The following MAP2K6 variants were observed in gnomAD, a reference collection of about 807,000 sequenced individuals.
MAP2K6 encodes dual specificity mitogen-activated protein kinase kinase 6.
In MAP2K6, 16 loss-of-function variants were observed where a neutral mutation model predicts 53.7. The ratio of observed to expected loss-of-function variants is 0.30; its 90% confidence interval spans 0.20 to 0.45. The LOEUF (loss-of-function observed/expected upper bound fraction) is 0.45. Among genes scored for constraint, MAP2K6 ranks in the 20% least tolerant of loss-of-function variants. The pLI is 1.00. For missense variants in MAP2K6, 204 were observed against 411.9 expected, an observed-to-expected ratio of 0.50 and a Z score of 4.37; for synonymous variants, 132 against 143.1, an observed-to-expected ratio of 0.92 and a Z score of 0.55.
chr17:69,459,847 C>T (rs928233723), intron 1 of MAP2K6, among the ~76,000 whole-genome samples: 12 of 146,790 alleles, frequency 8.2e-5, no homozygotes, highest in African/African-American at 2.8e-4. Flanking sequence ...CTTTTTCTTC[C>T]TTCCTCCCTT....
intron 1 of MAP2K6, among the ~76,000 whole-genome samples, chr17:69,431,336 A>G (rs1438807264): frequency 6.6e-6 from 1 of 150,476 alleles, no homozygotes; most frequent in African/African-American, 2.5e-5. Flanking sequence ...TATATTGTAT[A>G]TTATGCATAT....
intron 8 of MAP2K6, among the ~76,000 whole-genome samples, chr17:69,523,908 G>A (rs1249409339): frequency 6.6e-6 from 1 of 152,186 alleles, no homozygotes; most frequent in Non-Finnish European, 1.5e-5. Flanking sequence ...CACAGTTTTG[G>A]AGGCTAGGAA....
chr17:69,533,451 G>A lies in MAP2K6; in HGVS notation c.882-2664G>A, dbSNP rs140150876. ...GCACATTTTTACATTTGAGAAACAA[G>A]CTTTTCTTCCTGACATTGCCTTGGT... On this transcript the variant is annotated intron_variant, in intron 10 of 11. Transcript: ENST00000590474. 1.5e-3 allele frequency among the ~76,000 whole-genome samples: 225 copies of A among 152,258 alleles called. 2 individuals carry two copies. Among genetic ancestry groups the A allele is most frequent in the African/African-American group, 5.2e-3 (217 of 41,548 alleles).
chr17:69,485,323 G>A (rs184620266), intron 1 of MAP2K6: 1 of 190,016 alleles, frequency 5.3e-6, no homozygotes, highest in Non-Finnish European at 9.7e-6. Context: ...CAGGTTTTAG[G>A]ATGAGCAACT....
At chr17:69,490,552 G>C (rs1476463457) in intron 1 of MAP2K6, among the ~76,000 whole-genome samples, 1 of 152,190 alleles carries the variant, frequency 6.6e-6, no homozygotes, top group Non-Finnish European at 1.5e-5. Flanking sequence ...GAGTGTGGCA[G>C]TGTGGGTGTG....
intron 1 of MAP2K6, among the ~76,000 whole-genome samples, chr17:69,440,980 G>A (rs532350433): frequency 1.1e-4 from 17 of 152,224 alleles, no homozygotes; most frequent in African/African-American, 3.9e-4. Flanking sequence ...ACATGCGTGA[G>A]TGTGTATATA....
At chr17:69,515,050 G>C (rs1481270029) in intron 2 of MAP2K6, among the ~76,000 whole-genome samples, 1 of 151,646 alleles carries the variant, frequency 6.6e-6, no homozygotes, top group South Asian at 2.1e-4. Context: ...GTCTTTACCT[G>C]TCTGCTCACC....
At chr17:69,528,104 C>T (rs1034626439) in intron 10 of MAP2K6, among the ~76,000 whole-genome samples, 2 of 23,828 alleles carry the variant, frequency 8.4e-5, no homozygotes, top group African/African-American at 3.2e-4. Context: ...AATAAAACTT[C>T]GTCTCAAAAA....
In MAP2K6 at chr17:69,547,812, C is replaced by T. The variant is rs1309843888; in HGVS notation, c.*6059C>T. On this transcript the variant is annotated 3_prime_UTR_variant, in exon 12 of 12. Coordinates refer to ENST00000590474, the MANE Select transcript of MAP2K6 (RefSeq NM_002758.4). ...ATTTGGAAATAAATGTCACAGTTCTCTTAGTTGTTAACTGTATCCTTGGCT... is the reference window on the plus strand; with the variant it reads ...ATTTGGAAATAAATGTCACAGTTCTTTTAGTTGTTAACTGTATCCTTGGCT... 2.0e-5 allele frequency: 3 copies of T among 152,202 alleles called. No individual in the cohort carries two copies. Among genetic ancestry groups the T allele is most frequent in the African/African-American group, 7.2e-5 (3 of 41,468 alleles). 9.4% of individuals were successfully genotyped at this position (152,202 alleles called of 1,614,324 possible).
Position 69,414,820 on chromosome 17 carries a change from C to T in MAP2K6, c.-165C>T, listed in dbSNP as rs960092048. 1 of 641,414 alleles carries T rather than the reference C, an allele frequency of 1.6e-6. No homozygotes were observed. The highest frequency in any genetic ancestry group is 2.8e-6 in the Non-Finnish European group (1 of 358,426). The allele number at this position is 641,414 out of a possible 1,614,324, so 39.7% of individuals were successfully genotyped here. ...AGTCTGTTTTGCAAGGTGTGCATTT[C>T]CATCTTGATTCCCTGAAAGTCCATC... On this transcript the variant is annotated 5_prime_UTR_variant, in exon 1 of 12. Coordinates refer to ENST00000590474, the MANE Select transcript of MAP2K6 (RefSeq NM_002758.4).
At chr17:69,430,099 G>A (rs1906408502) in intron 1 of MAP2K6, among the ~76,000 whole-genome samples, 1 of 152,122 alleles carries the variant, frequency 6.6e-6, no homozygotes, top group African/African-American at 2.4e-5. Flanking sequence ...GGCTGAGGTG[G>A]GTGAGTCACT....
At chr17:69,503,695 C>G (rs987205892) in intron 1 of MAP2K6, among the ~76,000 whole-genome samples, 8 of 152,048 alleles carry the variant, frequency 5.3e-5, no homozygotes, top group African/African-American at 1.2e-4. Context: ...GGCCAGTTCT[C>G]TTCATTAATT....
At chr17:69,479,706 T>C (rs917258757) in intron 1 of MAP2K6, among the ~76,000 whole-genome samples, 5 of 151,090 alleles carry the variant, frequency 3.3e-5, no homozygotes, top group African/African-American at 1.2e-4. Context: ...GGAAATGTAC[T>C]TTTCCTTTTG....
chr17:69,505,790 A>G lies in MAP2K6; in HGVS notation c.27A>G (p.Arg9=). ...TGTCTTTCCCCATAGGCAAGAAGCG[A>G]AACCCTGGCCTTAAAATTCCAAAAG... is the stretch of plus-strand genomic sequence containing the variant. MSQSKGKK[R]NPGLKIPKEA... is the part of the protein sequence containing the mutation. The change falls in exon 2 of 12, where the codon CGA becomes CGG. Residue 9 remains arginine (R), a synonymous_variant. Transcript: ENST00000590474. The G allele has an allele frequency of 1.2e-6, 2 of 1,613,906 alleles. No individual in the cohort carries two copies. Among genetic ancestry groups the G allele is most frequent in the Non-Finnish European group, 1.7e-6 (2 of 1,179,790 alleles).
At chr17:69,525,083 C>A in intron 9 of MAP2K6, 105 bp downstream of exon 9, 2 of 865,974 alleles carry the variant, frequency 2.3e-6, no homozygotes, top group Non-Finnish European at 3.8e-6. Context: ...TGGTTTGGGG[C>A]GCCCTCTCCT....
chr17:69,498,661 CACACACA>C (rs1336734595), intron 1 of MAP2K6, among the ~76,000 whole-genome samples: 4 of 148,910 alleles, frequency 2.7e-5, no homozygotes, highest in Admixed American at 6.9e-5. Context: ...CACACACACA[CACACACA>C]CACACACACA....
At chr17:69,446,538 C>A (rs1488520632) in intron 1 of MAP2K6, among the ~76,000 whole-genome samples, 1 of 152,170 alleles carries the variant, frequency 6.6e-6, no homozygotes, top group Non-Finnish European at 1.5e-5. Flanking sequence ...CTCATTGCTC[C>A]TTCACTACTA....
chr17:69,523,522 C>T lies in MAP2K6; in HGVS notation c.544C>T (p.Pro182Ser), dbSNP rs1192075206. 6.2e-7 allele frequency: 1 copy of T among 1,613,552 alleles called. No homozygotes were observed. Among genetic ancestry groups the T allele is most frequent in the Non-Finnish European group, 8.5e-7 (1 of 1,179,698 alleles). ...KLSVIHRDVK[P>S]SNVLINALGQ... The stretch of plus-strand genomic sequence containing the variant: ...GTTGTTTTCGCTTTCAGACGTCAAG[C>T]CTTCTAATGTACTCATCAATGCTCT... Residue 182 changes from proline to serine, a missense_variant, in exon 8 of 12, where the codon CCT becomes TCT. Transcript: ENST00000590474.
At chr17:69,467,986 G>A (rs2716226) in intron 1 of MAP2K6, among the ~76,000 whole-genome samples, 75,058 of 151,910 alleles carry the variant, frequency 0.49, 19,302 homozygotes, top group East Asian at 0.84. Context: ...GACTGGTCTC[G>A]AACTCCTGAC....
Sources: gnomAD v4.1 joint callset for allele counts (sites outside exome capture counted in the v4.1 genomes callset) on GRCh38, gnomAD v4.1.1 for gene constraint, MANE v1.5 for transcripts, NCBI Gene and HGNC (gene_info 2026-07-23, HGNC 2026-07-21) for gene names.